PCDH9: variants seen among roughly 807,000 people sequenced by gnomAD.
The protein encoded by PCDH9 is protocadherin-9.
A neutral mutation model predicts 70.6 loss-of-function variants in PCDH9; 24 were observed. The ratio of observed to expected loss-of-function variants is 0.34; its 90% CI spans 0.25 to 0.48. The LOEUF (loss-of-function observed/expected upper bound fraction) is 0.48, where lower values mean the gene tolerates loss of function less well. Ranked by LOEUF, PCDH9 falls within the 20% of genes least tolerant of loss-of-function variation. PCDH9 has a pLI of 0.99. For missense variants in PCDH9, 1,281 were observed against 1,503.6 expected (o/e 0.85, Z 2.45); for synonymous variants, 562 against 558.5 (o/e 1.01, Z -0.09).
At chr13:67,027,554 C>T (rs867065835) in intron 2 of PCDH9, among the ~76,000 whole-genome samples, 4 of 151,014 alleles carry the variant, frequency 2.6e-5, no homozygotes, top group East Asian at 1.9e-4. Flanking sequence ...CAACAAAAGC[C>T]AAAATTGACA....
chr13:67,074,920 C>T (rs963938731), intron 2 of PCDH9, among the ~76,000 whole-genome samples: 7 of 152,002 alleles, frequency 4.6e-5, no homozygotes, highest in African/African-American at 1.2e-4. Flanking sequence ...GCCTGGTACC[C>T]TATCAAGCAC....
chr13:66,778,132 TG>T (rs2079929703), intron 3 of PCDH9, among the ~76,000 whole-genome samples: 1 of 60,864 alleles, frequency 1.6e-5, no homozygotes, highest in Non-Finnish European at 3.1e-5. Context: ...GGGACTGTTG[TG>T]GGGTGGGGGG....
At chr13:66,800,743 C>A (rs2080313377) in intron 3 of PCDH9, among the ~76,000 whole-genome samples, 1 of 152,128 alleles carries the variant, frequency 6.6e-6, no homozygotes, top group Admixed American at 6.6e-5. Flanking sequence ...GAAAATCAAT[C>A]TTTGATTTTA....
At chr13:66,498,530 C>T (rs1308989701) in intron 4 of PCDH9, among the ~76,000 whole-genome samples, 1 of 152,038 alleles carries the variant, frequency 6.6e-6, no homozygotes, top group African/African-American at 2.4e-5. Context: ...CTACTGACTT[C>T]CTCAATATCC....
In PCDH9 at chr13:66,694,990, G is replaced by A. The variant is rs1015916620; in HGVS notation, c.3139-63579C>T. Among the ~76,000 whole-genome samples the A allele has an allele frequency of 7.3e-5, 11 of 150,146 alleles. No individual in the cohort carries two copies. The Admixed American group carries it at 7.4e-4, about 10-fold the overall frequency. ...GCGATCTCTGCTCACTGCCAGCTCCGCCTCCCAGGTTCATGCCATTCTCCT... is the reference window on the plus strand; with the variant it reads ...GCGATCTCTGCTCACTGCCAGCTCCACCTCCCAGGTTCATGCCATTCTCCT... On this transcript the variant is annotated intron_variant, in intron 3 of 4. Coordinates refer to ENST00000377865, the MANE Select transcript of PCDH9 (RefSeq NM_203487.3).
At chr13:66,850,282 A>G (rs1594148488) in intron 3 of PCDH9, among the ~76,000 whole-genome samples, 2 of 152,048 alleles carry the variant, frequency 1.3e-5, no homozygotes, top group Admixed American at 1.3e-4. Flanking sequence ...ATTTTGGGAG[A>G]CTGAGGCAGG....
In PCDH9 at chr13:66,737,901, C is replaced by T. The variant is rs956456869; in HGVS notation, c.3139-106490G>A. Among the ~76,000 whole-genome samples, 15 of 27,570 alleles carry T rather than the reference C, an allele frequency of 5.4e-4. No individual in the cohort carries two copies. In the South Asian group the frequency reaches 0.014, roughly 25 times the overall value. 18.1% of individuals were successfully genotyped at this position (27,570 alleles called of 152,430 possible). On this transcript the variant is annotated intron_variant, in intron 3 of 4. Coordinates refer to ENST00000377865, the MANE Select transcript of PCDH9 (RefSeq NM_203487.3). ...AGCAGTCTGAGATCAAACTGCAAGG[C>T]GGCAGCGAGGCTGGGGGAGGGGCGC... is the stretch of plus-strand genomic sequence containing the variant.
At chr13:66,306,165 A>T (rs1424694153) in intron 4 of PCDH9, 1 of 152,090 alleles carries the variant, frequency 6.6e-6, no homozygotes, top group Admixed American at 6.6e-5. Flanking sequence ...TGCAGAAAAA[A>T]GTAAACATAC....
At chr13:66,599,892 C>G (rs908695776) in intron 4 of PCDH9, among the ~76,000 whole-genome samples, 3 of 151,806 alleles carry the variant, frequency 2.0e-5, no homozygotes, top group African/African-American at 7.3e-5. Flanking sequence ...ATAATTTTCT[C>G]ATAATTTTAT....
intron 4 of PCDH9, among the ~76,000 whole-genome samples, chr13:66,392,389 T>C (rs1295598168): frequency 1.3e-5 from 2 of 152,110 alleles, no homozygotes; most frequent in Non-Finnish European, 1.5e-5. Flanking sequence ...GCTCTCATAA[T>C]TTTCAAAATA....
rs544671916 is a variant in PCDH9, at chr13:66,441,921, G to A, written c.3341-136893C>T. Among the ~76,000 whole-genome samples, 3 of 152,196 alleles carry A rather than the reference G, an allele frequency of 2.0e-5. No individual in the cohort carries two copies. The East Asian group carries it at 5.8e-4, about 29-fold the overall frequency. ...AAAATCATTTCTTTATATATGCTAAGATTACATCCAGCTTCCAAGTTATGT... is the reference window on the plus strand; with the variant it reads ...AAAATCATTTCTTTATATATGCTAAAATTACATCCAGCTTCCAAGTTATGT... On this transcript the variant is annotated intron_variant, in intron 4 of 4. Transcript: ENST00000377865.
chr13:67,202,922 A>C (rs1176584015), intron 2 of PCDH9: 8 of 152,080 alleles, frequency 5.3e-5, no homozygotes, highest in Non-Finnish European at 1.2e-4. Context: ...AAGAGATTAA[A>C]TATAATTCAG....
intron 2 of PCDH9, among the ~76,000 whole-genome samples, chr13:67,081,402 C>A (rs2085980612): frequency 6.6e-6 from 1 of 152,078 alleles, no homozygotes; most frequent in African/African-American, 2.4e-5. Flanking sequence ...AACTCCATCC[C>A]TACTTAAAAT....
In PCDH9 at chr13:66,606,466, G is replaced by T. The variant is rs144637163; in HGVS notation, c.3340+24744C>A. Among the ~76,000 whole-genome samples, 435 of 152,170 alleles carry T rather than the reference G, an allele frequency of 2.9e-3. 3 individuals are homozygous for T. Among genetic ancestry groups the T allele is most frequent in the African/African-American group, 0.01 (418 of 41,554 alleles). On this transcript the variant is annotated intron_variant, in intron 4 of 4. Coordinates refer to ENST00000377865, the MANE Select transcript of PCDH9 (RefSeq NM_203487.3). ...GAAGGGAATAGTACCGAGATTTTTG[G>T]AGTAAACCTGTATGCTTCTACAGGG... is the stretch of plus-strand genomic sequence containing the variant.
intron 4 of PCDH9, among the ~76,000 whole-genome samples, chr13:66,326,306 A>T (rs991206416): frequency 1.3e-5 from 2 of 151,710 alleles, no homozygotes; most frequent in African/African-American, 4.8e-5. Context: ...AAACCTTTTG[A>T]GATGGAGTCA....
At chr13:66,730,495 T>A (rs189671044) in intron 3 of PCDH9, among the ~76,000 whole-genome samples, 6 of 152,206 alleles carry the variant, frequency 3.9e-5, no homozygotes, top group Admixed American at 2.0e-4. Flanking sequence ...TGTTTTGATC[T>A]GTATTCCTTT....
chr13:67,182,093 A>G (rs974062232), intron 2 of PCDH9, among the ~76,000 whole-genome samples: 4 of 152,174 alleles, frequency 2.6e-5, no homozygotes, highest in African/African-American at 9.6e-5. Flanking sequence ...TTCAAGTTTC[A>G]GGGCATTTAA....
At chr13:66,812,593 T>A (rs1456248344) in intron 3 of PCDH9, among the ~76,000 whole-genome samples, 1 of 152,130 alleles carries the variant, frequency 6.6e-6, no homozygotes, top group African/African-American at 2.4e-5. Context: ...CCTGAGGGGA[T>A]TAAAAAGTAT....
intron 2 of PCDH9, among the ~76,000 whole-genome samples, chr13:67,019,968 C>G (rs1275400644): frequency 2.6e-5 from 4 of 152,162 alleles, no homozygotes; most frequent in Non-Finnish European, 5.9e-5. Context: ...CATTCATTCA[C>G]AAAACTAAGA....
Sources: allele counts gnomAD v4.1 joint callset (sites outside exome capture counted in the v4.1 genomes callset), GRCh38; gene constraint gnomAD v4.1.1; transcripts MANE v1.5; gene names NCBI Gene and HGNC (gene_info 2026-07-23, HGNC 2026-07-21).